Variants in CNTN1 observed in about 807,000 individuals in gnomAD.
CNTN1 encodes the protein contactin 1.
A neutral mutation model predicts 126.4 loss-of-function variants in CNTN1; 38 were observed. The ratio of observed to expected loss-of-function variants is 0.30; its 90% confidence interval spans 0.23 to 0.39. The LOEUF is 0.39. CNTN1 is among the 10% of genes least tolerant of loss of function. The probability of loss-of-function intolerance (pLI) is 1.00; values close to 1 mark genes in which losing one functional copy is unlikely to be tolerated. For missense variants in CNTN1, 1,009 were observed against 1,248.4 expected (o/e 0.81, Z 2.89); for synonymous variants, 413 against 422.6 (o/e 0.98, Z 0.28).
At chr12:40,951,858 C>T (rs1194401410) in intron 14 of CNTN1, among the ~76,000 whole-genome samples, 1 of 150,496 alleles carries the variant, frequency 6.6e-6, no homozygotes, top group African/African-American at 2.4e-5. Flanking sequence ...GTATTGATAT[C>T]ATAATATCCG....
At chr12:40,999,459 C>T (rs575019861) in intron 17 of CNTN1, among the ~76,000 whole-genome samples, 4 of 152,132 alleles carry the variant, frequency 2.6e-5, no homozygotes, top group East Asian at 3.9e-4. Flanking sequence ...TGAAACAAAT[C>T]ATGCTTTGGC....
At chr12:41,058,355 G>C (rs752642568) in intron 23 of CNTN1, among the ~76,000 whole-genome samples, 2 of 152,022 alleles carry the variant, frequency 1.3e-5, no homozygotes, top group Non-Finnish European at 2.9e-5. Context: ...AAGAGAAAAA[G>C]CAATAATAAC....
At chr12:41,006,301 A>AGC (rs1183035818) in intron 17 of CNTN1, among the ~76,000 whole-genome samples, 7 of 152,172 alleles carry the variant, frequency 4.6e-5, no homozygotes, top group African/African-American at 1.4e-4. Context: ...AGGGAGGGCT[A>AGC]AGGTGTAGCA....
In CNTN1 at chr12:41,067,465, T is replaced by C. The variant is rs1286765049; in HGVS notation, c.2981-2494T>C. On this transcript the variant is annotated intron_variant, in intron 23 of 23. Transcript: ENST00000551295. Reference sequence around the variant, plus strand: ...GAGCATTGTGGAGACCCTGCAGTCATCCTCAGACAAAAAAGGCTTCAGAAT... The same window carrying C: ...GAGCATTGTGGAGACCCTGCAGTCACCCTCAGACAAAAAAGGCTTCAGAAT... Among the ~76,000 whole-genome samples the C allele has an allele frequency of 2.0e-5, 3 of 151,980 alleles. No individual in the cohort carries two copies. The South Asian group carries it at 6.2e-4, about 32-fold the overall frequency.
chr12:41,057,035 TATAA>T (rs552023926), intron 23 of CNTN1, among the ~76,000 whole-genome samples: 1 of 62,798 alleles, frequency 1.6e-5, no homozygotes, highest in Admixed American at 1.5e-4. Flanking sequence ...TTATAAATAT[TATAA>T]ATATTTAGAT....
At chr12:40,995,348 C>G (rs947475594) in intron 17 of CNTN1, among the ~76,000 whole-genome samples, 1 of 152,008 alleles carries the variant, frequency 6.6e-6, no homozygotes, top group South Asian at 2.1e-4. Context: ...TCTACACCAT[C>G]TAAAACACTG....
At chr12:40,839,365 G>T (rs370444824) in intron 1 of CNTN1, among the ~76,000 whole-genome samples, 1 of 152,096 alleles carries the variant, frequency 6.6e-6, no homozygotes, top group Non-Finnish European at 1.5e-5. Flanking sequence ...ACTGTTTAAC[G>T]AAATGATAGA....
intron 14 of CNTN1, among the ~76,000 whole-genome samples, chr12:40,951,774 A>G (rs1052496521): frequency 6.6e-6 from 1 of 150,784 alleles, no homozygotes; most frequent in African/African-American, 2.4e-5. Flanking sequence ...GTGATTATGT[A>G]AGAAAATGAC....
At chr12:40,952,809 A>G (rs371517935) in intron 14 of CNTN1, among the ~76,000 whole-genome samples, 1 of 152,142 alleles carries the variant, frequency 6.6e-6, no homozygotes, top group African/African-American at 2.4e-5. Context: ...CTAACAAGCC[A>G]AAAGTAAAGA....
intron 1 of CNTN1, among the ~76,000 whole-genome samples, chr12:40,831,901 A>C (rs1941854498): frequency 6.6e-6 from 1 of 152,188 alleles, no homozygotes; most frequent in Admixed American, 6.5e-5. Flanking sequence ...ATTTGGTAAA[A>C]CGTTCTACTG....
chr12:40,975,178 TTATATATATATATATATATA>T (rs58939653), intron 15 of CNTN1, among the ~76,000 whole-genome samples: 25 of 48,676 alleles, frequency 5.1e-4, no homozygotes, highest in African/African-American at 1.1e-3. Flanking sequence ...GTAAAATGGA[TTATATATATATATATATATA>T]TATATATATA....
At chr12:40,713,114 T>C (rs1223137548) in intron 1 of CNTN1, among the ~76,000 whole-genome samples, 2 of 152,160 alleles carry the variant, frequency 1.3e-5, no homozygotes, top group Non-Finnish European at 2.9e-5. Flanking sequence ...CACTAGCTTC[T>C]GCTCCTGCTC....
chr12:41,012,303 C>G (rs1294072940), intron 17 of CNTN1, among the ~76,000 whole-genome samples: 1 of 152,214 alleles, frequency 6.6e-6, no homozygotes, highest in Non-Finnish European at 1.5e-5. Flanking sequence ...AAAACACCTT[C>G]CCTTGAGCTA....
intron 23 of CNTN1, among the ~76,000 whole-genome samples, chr12:41,040,828 G>T (rs1287327253): frequency 1.4e-5 from 2 of 147,528 alleles, no homozygotes; most frequent in Admixed American, 6.8e-5. Flanking sequence ...AGACAATGGG[G>T]TTTTCTAGAT....
At chr12:40,821,531 A>G (rs967156000) in intron 1 of CNTN1, among the ~76,000 whole-genome samples, 23 of 152,200 alleles carry the variant, frequency 1.5e-4, no homozygotes, top group Admixed American at 1.3e-4. Context: ...CTCATTTTAC[A>G]TGGAGATTAA....
intron 6 of CNTN1, among the ~76,000 whole-genome samples, chr12:40,925,547 G>GTA (rs200031688): frequency 4.9e-5 from 5 of 102,452 alleles, no homozygotes; most frequent in Non-Finnish European, 7.9e-5. Flanking sequence ...GTGTGTGTGT[G>GTA]TATATATATA....
rs1942183567 is a variant in CNTN1, at chr12:40,720,820, T to C, written c.-77+28228T>C. On this transcript the variant is annotated intron_variant, in intron 1 of 23. Transcript: ENST00000551295. ...AGTGCATGCCTGTAATCCTAGCTAC[T>C]CGGGAGGCTGAGGCAGGGGAATCCC... Among the ~76,000 whole-genome samples the C allele has an allele frequency of 2.6e-5, 4 of 151,830 alleles. No individual in the cohort carries two copies. The South Asian group carries it at 8.3e-4, about 32-fold the overall frequency.
At chr12:41,038,462 G>A (rs967468354) in intron 23 of CNTN1, among the ~76,000 whole-genome samples, 2 of 152,074 alleles carry the variant, frequency 1.3e-5, no homozygotes, top group East Asian at 3.9e-4. Context: ...GTGTGTGTGT[G>A]TGCAAGCATG....
chr12:40,940,767 T>C (rs1946239252), intron 12 of CNTN1, among the ~76,000 whole-genome samples: 1 of 152,270 alleles, frequency 6.6e-6, no homozygotes, highest in South Asian at 2.1e-4. Flanking sequence ...TTAAAGTTAA[T>C]ATGTTTGACC....
Sources: gnomAD v4.1 joint callset for allele counts (sites outside exome capture counted in the v4.1 genomes callset) on GRCh38, gnomAD v4.1.1 for gene constraint, MANE v1.5 for transcripts, NCBI Gene and HGNC (gene_info 2026-07-23, HGNC 2026-07-21) for gene names.